The following TRMT11 variants were observed in gnomAD, a reference collection of about 807,000 sequenced individuals.
TRMT11 encodes tRNA (guanine(10)-N(2))-methyltransferase TRMT11.
TRMT11 carries 53 observed loss-of-function variants against 62.8 expected under a neutral mutation model. That is an observed-to-expected ratio of 0.84 (90% CI 0.68 to 1.06). The LOEUF (loss-of-function observed/expected upper bound fraction) is 1.06. Among genes scored for constraint, TRMT11 ranks in the 50% least tolerant of loss-of-function variants. TRMT11 has a pLI of 0.00. For synonymous variants in TRMT11, 188 were observed against 190.3 expected (o/e 0.99, Z 0.10); for missense variants, 556 against 553.4 (o/e 1.00, Z -0.05).
At chr6:126,111,699 G>T (rs182797443) in intron 17 of TRMT11, among the ~76,000 whole-genome samples, 2 of 152,030 alleles carry the variant, frequency 1.3e-5, no homozygotes, top group Non-Finnish European at 2.9e-5. Flanking sequence ...ATTCCAAGGC[G>T]GAATGGAGTG....
chr6:126,244,353 G>A, the TRMT11 span, among the ~76,000 whole-genome samples: 3 of 152,088 alleles, frequency 2.0e-5, no homozygotes, highest in Non-Finnish European at 2.9e-5. Flanking sequence ...ATTTTTCTGA[G>A]AGTTGTTTGT....
intron 6 of TRMT11, among the ~76,000 whole-genome samples, chr6:125,998,949 GT>G (rs200462747): frequency 1.3e-3 from 178 of 138,504 alleles, no homozygotes; most frequent in Middle Eastern, 3.8e-3. Flanking sequence ...CATCTGGACT[GT>G]TTTTTTTTTT....
At chr6:126,074,613 A>G (rs1583864525) in intron 17 of TRMT11, among the ~76,000 whole-genome samples, 2 of 152,254 alleles carry the variant, frequency 1.3e-5, no homozygotes, top group African/African-American at 4.8e-5. Flanking sequence ...CTACATTCTT[A>G]GTGTAAAATA....
chr6:126,147,565 A>G (rs1232606158), intron 21 of TRMT11, among the ~76,000 whole-genome samples: 1 of 152,136 alleles, frequency 6.6e-6, no homozygotes, highest in African/African-American at 2.4e-5. Flanking sequence ...TCGTCCATGT[A>G]TTAAGGAATT....
chr6:126,026,863 C>T (rs1773237114), intron 12 of TRMT11, among the ~76,000 whole-genome samples: 2 of 138,450 alleles, frequency 1.4e-5, no homozygotes, highest in Non-Finnish European at 3.0e-5. Context: ...AGTGCAGTGG[C>T]GGGATCTCAG....
chr6:126,241,379 G>T, the TRMT11 span, among the ~76,000 whole-genome samples: 1 of 152,148 alleles, frequency 6.6e-6, no homozygotes, highest in African/African-American at 2.4e-5. Flanking sequence ...GGAGGAGCTG[G>T]TACCATTCCT....
At chr6:126,136,591 A>G (rs1203506459) in intron 21 of TRMT11, among the ~76,000 whole-genome samples, 7 of 151,706 alleles carry the variant, frequency 4.6e-5, no homozygotes, top group South Asian at 2.1e-4. Flanking sequence ...GTGAACTACA[A>G]TCAAAACACC....
intron 2 of TRMT11, chr6:126,199,621 G>T (rs1293260309): frequency 6.6e-6 from 1 of 152,180 alleles, no homozygotes. Context: ...ACTGTCACTT[G>T]TATATATTTG....
chr6:126,027,669 G>A (rs1281179916), intron 12 of TRMT11, among the ~76,000 whole-genome samples: 1 of 152,026 alleles, frequency 6.6e-6, no homozygotes, highest in Non-Finnish European at 1.5e-5. Flanking sequence ...ATATAGTTTA[G>A]ATTATTTAAA....
chr6:126,037,140 T>G (rs1775337310), intron 12 of TRMT11, among the ~76,000 whole-genome samples: 1 of 152,076 alleles, frequency 6.6e-6, no homozygotes, highest in Non-Finnish European at 1.5e-5. Flanking sequence ...AAGATAGCTC[T>G]TTTGGAGAAA....
chr6:126,011,454 C>T (rs114950638), intron 9 of TRMT11, 37 bp downstream of exon 9: 258 of 1,558,064 alleles, frequency 1.7e-4, no homozygotes, highest in Non-Finnish European at 2.1e-4. Flanking sequence ...GAGTAGGATT[C>T]GTTTTGTAAA....
chr6:125,989,744 A>G (rs930932567), intron 1 of TRMT11, among the ~76,000 whole-genome samples: 2 of 152,178 alleles, frequency 1.3e-5, no homozygotes, highest in Admixed American at 1.3e-4. Context: ...GTTCTGTTTT[A>G]CACCCTCATT....
intron 16 of TRMT11, among the ~76,000 whole-genome samples, chr6:126,049,135 G>T (rs1246962563): frequency 6.6e-6 from 1 of 152,164 alleles, no homozygotes; most frequent in Non-Finnish European, 1.5e-5. Flanking sequence ...ATTTTCTCTG[G>T]CAGCCCTTTA....
At chr6:126,145,840 A>G (rs2128218353) in intron 21 of TRMT11, among the ~76,000 whole-genome samples, 1 of 152,084 alleles carries the variant, frequency 6.6e-6, no homozygotes, top group South Asian at 2.1e-4. Flanking sequence ...CTCCTTTTTT[A>G]TGTTTTATAT....
intron 21 of TRMT11, among the ~76,000 whole-genome samples, chr6:126,154,859 TA>T (rs1222393147): frequency 5.3e-5 from 8 of 152,208 alleles, no homozygotes; most frequent in Admixed American, 1.3e-4. Flanking sequence ...TACTAATTTC[TA>T]TAACTGATGC....
chr6:126,234,718 G>T, the TRMT11 span, among the ~76,000 whole-genome samples: 31 of 152,206 alleles, frequency 2.0e-4, no homozygotes, highest in Admixed American at 3.9e-4. Context: ...GTGTATTTCA[G>T]TTGTATTAGT....
rs113580685 is a variant in TRMT11, at chr6:126,156,249, C to T, written c.*1824-18576C>T. Among the ~76,000 whole-genome samples the T allele has an allele frequency of 9.9e-3, 1,513 of 152,264 alleles. 21 individuals are homozygous for T. Among genetic ancestry groups the T allele is most frequent in the African/African-American group, 0.034 (1,432 of 41,550 alleles). On this transcript the variant is annotated intron_variant and NMD_transcript_variant, in intron 21 of 22. Transcript: ENST00000648977. Reference sequence around the variant, plus strand: ...AGCTGCTGGTGACTCTACTATTCTCCGGTCTGAGGGGGTGGAGGACCCCCT... The same window carrying T: ...AGCTGCTGGTGACTCTACTATTCTCTGGTCTGAGGGGGTGGAGGACCCCCT...
At chr6:126,146,488 C>G (rs1299346329) in intron 21 of TRMT11, among the ~76,000 whole-genome samples, 1 of 151,900 alleles carries the variant, frequency 6.6e-6, no homozygotes, top group Non-Finnish European at 1.5e-5. Flanking sequence ...TAGCATCTAC[C>G]TCATAGGATT....
intron 7 of TRMT11, among the ~76,000 whole-genome samples, 200 bp from the exon 8 acceptor site, chr6:126,008,192 T>C (rs1793647343): frequency 1.3e-5 from 2 of 152,088 alleles, no homozygotes; most frequent in African/African-American, 4.8e-5. Context: ...TACATTAATT[T>C]CTCTACTTTG....
Sources: gnomAD v4.1 joint callset for allele counts (sites outside exome capture counted in the v4.1 genomes callset) on GRCh38, gnomAD v4.1.1 for gene constraint, MANE v1.5 for transcripts, NCBI Gene and HGNC (gene_info 2026-07-23, HGNC 2026-07-21) for gene names.